PSMF1: variants seen among roughly 807,000 people sequenced by gnomAD.
The protein encoded by PSMF1 is proteasome inhibitor subunit 1.
A neutral mutation model predicts 29.3 loss-of-function variants in PSMF1; 30 were observed. The ratio of observed to expected loss-of-function variants is 1.02; its 90% confidence interval spans 0.77 to 1.39. The LOEUF (loss-of-function observed/expected upper bound fraction) is 1.39. Among genes scored for constraint, PSMF1 ranks in the 40% most tolerant of loss-of-function variants. The pLI is 0.00. For synonymous variants in PSMF1, 134 were observed against 139.7 expected (o/e 0.96, Z 0.29); for missense variants, 344 against 357.5 (o/e 0.96, Z 0.31).
upstream of PSMF1, among the ~76,000 whole-genome samples, chr20:1,113,906 T>C (rs1174835415): frequency 1.3e-5 from 2 of 151,936 alleles, no homozygotes; most frequent in Non-Finnish European, 2.9e-5. Context: ...TTAGCCAGGA[T>C]GGTCTCGATG....
At chr20:1,127,605 G>A (rs2086175661) in intron 3 of PSMF1, 97 bp downstream of exon 3, 17 of 1,009,606 alleles carry the variant, frequency 1.7e-5, no homozygotes, top group Non-Finnish European at 1.5e-6. Flanking sequence ...ATTAAGGAAG[G>A]TGAATGGAAG....
chr20:1,115,889 C>A (rs1280239174), upstream of PSMF1, among the ~76,000 whole-genome samples: 1 of 151,850 alleles, frequency 6.6e-6, no homozygotes, highest in East Asian at 1.9e-4. Flanking sequence ...CCTGCCACCA[C>A]GCCCGGCTAA....
At chr20:1,159,057 CAAAA>C (rs759292496) in intron 4 of PSMF1, among the ~76,000 whole-genome samples, 3 of 69,926 alleles carry the variant, frequency 4.3e-5, no homozygotes, top group South Asian at 8.7e-4. Flanking sequence ...CTCCGTCTCA[CAAAA>C]AAAAAAAAAA....
chr20:1,129,543 C>A (rs941784346), intron 3 of PSMF1, among the ~76,000 whole-genome samples: 34 of 152,180 alleles, frequency 2.2e-4, no homozygotes, highest in African/African-American at 8.0e-4. Context: ...TGCATGCCAC[C>A]CTCCAGTGTA....
chr20:1,128,691 TC>T (rs73611791), intron 3 of PSMF1, among the ~76,000 whole-genome samples: 25,309 of 152,122 alleles, frequency 0.17, 2,569 homozygotes, highest in East Asian at 0.52. Flanking sequence ...ATAGGGATTT[TC>T]CCCCCATCTT....
At chr20:1,133,543 G>C (rs6032912) in intron 3 of PSMF1, among the ~76,000 whole-genome samples, 788 of 56,060 alleles carry the variant, frequency 0.014, 19 homozygotes, top group African/African-American at 0.045. Flanking sequence ...GGATATACTA[G>C]TCTATATATG....
At chr20:1,134,960 A>G (rs764545044) in intron 3 of PSMF1, 161 bp from the exon 4 acceptor site, 42 of 737,194 alleles carry the variant, frequency 5.7e-5, no homozygotes, top group South Asian at 1.0e-4. Context: ...TGCCCCCCTC[A>G]CCCAGGTCCA....
At chr20:1,132,838 A>C (rs2086247471) in intron 3 of PSMF1, among the ~76,000 whole-genome samples, 1 of 152,136 alleles carries the variant, frequency 6.6e-6, no homozygotes, top group South Asian at 2.1e-4. Flanking sequence ...GATGATTATG[A>C]ATGGCATATT....
rs542576910 is a variant in PSMF1 at position 1,169,074 on chromosome 20, G to A, written c.*3994G>A. On this transcript the variant is annotated 3_prime_UTR_variant, in exon 7 of 7. Coordinates refer to ENST00000335877, the MANE Select transcript of PSMF1 (RefSeq NM_006814.5). ...ATCCCCAGATTGTAGCAATGATGAT[G>A]TGATCCTGCTGCTCTCTGGACCGTA... 6.6e-6 allele frequency among the ~76,000 whole-genome samples: 1 copy of A among 152,298 alleles called. No homozygotes were observed. The highest frequency in any genetic ancestry group is 2.1e-4 in the South Asian group (1 of 4,820).
chr20:1,131,276 T>C (rs912215493), intron 3 of PSMF1, among the ~76,000 whole-genome samples: 3 of 152,270 alleles, frequency 2.0e-5, no homozygotes, highest in Admixed American at 6.5e-5. Flanking sequence ...TCAGCAATAC[T>C]GAAAGAGAAT....
At chr20:1,122,741 C>T (rs1029925852) in intron 1 of PSMF1, among the ~76,000 whole-genome samples, 2 of 152,168 alleles carry the variant, frequency 1.3e-5, no homozygotes, top group African/African-American at 4.8e-5. Context: ...GGCCTGATAT[C>T]GCCAGGGTCT....
At position 1,118,822 on chromosome 20, in the gene PSMF1, T is replaced by G. The variant is rs775274079; in HGVS notation, c.49T>G (p.Cys17Gly). The G allele has an allele frequency of 2.5e-6, 4 of 1,613,600 alleles. No homozygotes were observed. In the African/African-American group the frequency reaches 5.3e-5, roughly 22 times the overall value. ...LFASAAPAITCRQDALVCFLH... is the reference protein window; with the variant it reads ...LFASAAPAITGRQDALVCFLH... ...CGCATCGGCAGCGCCGGCCATCACC[T>G]GCAGGCAGGACGCGCTCGTCTGCTT... Residue 17 changes from cysteine to glycine, a missense_variant, in exon 1 of 7, where the codon TGC (cysteine) becomes GGC (glycine). Cys to Gly is a radical substitution (Grantham distance 159). Coordinates refer to ENST00000335877, the MANE Select transcript of PSMF1 (RefSeq NM_006814.5).
rs2086768574 is a variant in PSMF1, at chr20:1,169,476, A to G, written c.*4396A>G. ...CAGCTGCGTTCCAGATGAGCCACCTAAGGTGGATGTTGTGAGAGTCACAGT... is the reference window on the plus strand; with the variant it reads ...CAGCTGCGTTCCAGATGAGCCACCTGAGGTGGATGTTGTGAGAGTCACAGT... On this transcript the variant is annotated 3_prime_UTR_variant, in exon 7 of 7. Coordinates refer to ENST00000335877, the MANE Select transcript of PSMF1 (RefSeq NM_006814.5). 1.3e-5 allele frequency among the ~76,000 whole-genome samples: 2 copies of G among 152,196 alleles called. No homozygotes were observed. The highest frequency in any genetic ancestry group is 4.1e-4 in the South Asian group (2 of 4,832).
chr20:1,117,237 T>C (rs2086019971), upstream of PSMF1, among the ~76,000 whole-genome samples: 1 of 152,046 alleles, frequency 6.6e-6, no homozygotes, highest in African/African-American at 2.4e-5. Flanking sequence ...GGGCAGGAGA[T>C]GGCAGACCAC....
chr20:1,157,465 C>G (rs980654601), intron 4 of PSMF1, among the ~76,000 whole-genome samples: 1 of 152,196 alleles, frequency 6.6e-6, no homozygotes, highest in African/African-American at 2.4e-5. Context: ...ACTAGAAACT[C>G]ACCAATCCCC....
intron 3 of PSMF1, among the ~76,000 whole-genome samples, chr20:1,129,256 A>T (rs946754143): frequency 6.6e-6 from 1 of 152,070 alleles, no homozygotes; most frequent in African/African-American, 2.4e-5. Flanking sequence ...AAGTGATGGG[A>T]TTACAGGTGT....
rs187686936 is a variant in PSMF1 at position 1,127,306 on chromosome 20, A to G, written c.283-120A>G. ...TATTTCATATAAACAGTCCTTATAT[A>G]TGTCTCTGTGGACATATGTGAATAT... On this transcript the variant is annotated intron_variant, in intron 2 of 6. Coordinates refer to ENST00000335877, the MANE Select transcript of PSMF1 (RefSeq NM_006814.5). 2.4e-4 allele frequency: 202 copies of G among 826,728 alleles called. 1 individual carries two copies. The African/African-American group carries it at 3.1e-3, about 13-fold the overall frequency. The allele number at this position is 826,728 out of a possible 1,614,324, so 51.2% of individuals were successfully genotyped here.
At chr20:1,130,275 G>A (rs186042064) in intron 3 of PSMF1, among the ~76,000 whole-genome samples, 9 of 152,284 alleles carry the variant, frequency 5.9e-5, no homozygotes, top group Non-Finnish European at 1.3e-4. Flanking sequence ...CAGTGTTAAT[G>A]TACTTAACAG....
chr20:1,120,076 A>C, intron 1 of PSMF1, among the ~76,000 whole-genome samples: 1 of 147,584 alleles, frequency 6.8e-6, no homozygotes, highest in African/African-American at 2.5e-5. Context: ...CCTTTCCCCC[A>C]CCCCTCACTG....
Sources: gnomAD v4.1 joint callset for allele counts (sites outside exome capture counted in the v4.1 genomes callset) on GRCh38, gnomAD v4.1.1 for gene constraint, MANE v1.5 for transcripts, NCBI Gene and HGNC (gene_info 2026-07-23, HGNC 2026-07-21) for gene names.